PLCL1: variants seen among roughly 807,000 people sequenced by gnomAD.
The protein encoded by PLCL1 is inactive phospholipase C-like protein 1.
A neutral mutation model predicts 84.4 loss-of-function variants in PLCL1; 41 were observed. That is an observed-to-expected ratio of 0.49 (90% CI 0.38 to 0.63). The LOEUF is 0.63. PLCL1 is among the 30% of genes least tolerant of loss of function. PLCL1 has a pLI of 0.00. For synonymous variants in PLCL1, 490 were observed against 488.3 expected, an observed-to-expected ratio of 1.00 and a Z score of -0.05; for missense variants, 1,206 against 1,367.8, an observed-to-expected ratio of 0.88 and a Z score of 1.87.
intron 1 of PLCL1, among the ~76,000 whole-genome samples, chr2:197,995,630 G>T (rs974111120): frequency 6.6e-6 from 1 of 152,116 alleles, no homozygotes; most frequent in Non-Finnish European, 1.5e-5. Flanking sequence ...CCAAGACCAG[G>T]GAATCCCTGG....
intron 3 of PLCL1, among the ~76,000 whole-genome samples, chr2:198,094,422 C>T (rs1299732142): frequency 1.3e-5 from 2 of 152,092 alleles, no homozygotes; most frequent in African/African-American, 2.4e-5. Context: ...GTGTTGGTAT[C>T]AAGAAATCAA....
At chr2:197,828,641 T>C (rs910800532) in intron 1 of PLCL1, among the ~76,000 whole-genome samples, 2 of 152,138 alleles carry the variant, frequency 1.3e-5, no homozygotes, top group Non-Finnish European at 2.9e-5. Flanking sequence ...ATCCATATAG[T>C]GATGTGAAAT....
At position 197,914,338 on chromosome 2, in the gene PLCL1, T is replaced by G. The variant is rs182304855; in HGVS notation, c.240+108999T>G. On this transcript the variant is annotated intron_variant, in intron 1 of 5. Transcript: ENST00000428675. Reference sequence around the variant, plus strand: ...CACATTAAATTTTTATGTTATTTTTTTTTTTTTTGAAATGGAGTTTTGTTC... The same window carrying G: ...CACATTAAATTTTTATGTTATTTTTGTTTTTTTTGAAATGGAGTTTTGTTC... 5.8e-4 allele frequency among the ~76,000 whole-genome samples: 89 copies of G among 152,220 alleles called. 4 individuals carry two copies. The South Asian group carries it at 0.014, about 24-fold the overall frequency.
chr2:198,004,625 T>C (rs1200440367), intron 1 of PLCL1, among the ~76,000 whole-genome samples: 2 of 152,212 alleles, frequency 1.3e-5, no homozygotes, highest in East Asian at 3.8e-4. Flanking sequence ...GGTGGTCATA[T>C]TTAAATAATA....
At chr2:198,039,357 T>C (rs1249141018) in intron 1 of PLCL1, among the ~76,000 whole-genome samples, 1 of 152,196 alleles carries the variant, frequency 6.6e-6, no homozygotes, top group Non-Finnish European at 1.5e-5. Flanking sequence ...TTAGGAGCCT[T>C]CTTGATGTTA....
chr2:197,935,529 T>A (rs1330641984), intron 1 of PLCL1, among the ~76,000 whole-genome samples: 6 of 152,064 alleles, frequency 3.9e-5, no homozygotes, highest in Non-Finnish European at 7.4e-5. Context: ...AACCAAATAC[T>A]GCATATTCTC....
intron 1 of PLCL1, among the ~76,000 whole-genome samples, chr2:197,984,481 A>G (rs1690180187): frequency 6.6e-6 from 1 of 152,206 alleles, no homozygotes; most frequent in African/African-American, 2.4e-5. Context: ...TACATTAAAA[A>G]TAACCCATTT....
chr2:198,009,389 C>T (rs931272253), intron 1 of PLCL1, among the ~76,000 whole-genome samples: 4 of 151,976 alleles, frequency 2.6e-5, no homozygotes, highest in African/African-American at 4.8e-5. Context: ...CCCAAATTCA[C>T]TCTTTTTGCA....
intron 1 of PLCL1, among the ~76,000 whole-genome samples, chr2:197,829,466 G>A (rs948886304): frequency 4.6e-5 from 7 of 152,134 alleles, no homozygotes; most frequent in African/African-American, 7.2e-5. Flanking sequence ...TTTATGCATC[G>A]TTAAAATTAT....
chr2:197,943,091 G>A (rs891636724), intron 1 of PLCL1, among the ~76,000 whole-genome samples: 2 of 151,302 alleles, frequency 1.3e-5, no homozygotes, highest in African/African-American at 2.4e-5. Flanking sequence ...TGGGATTGTC[G>A]GGGGTGGGGG....
At chr2:197,827,622 C>T (rs759252752) in intron 1 of PLCL1, among the ~76,000 whole-genome samples, 16 of 151,948 alleles carry the variant, frequency 1.1e-4, no homozygotes, top group Admixed American at 5.9e-4. Context: ...TTTTGAAAAA[C>T]GTATTTTTGG....
At chr2:197,981,039 C>T (rs1305730222) in intron 1 of PLCL1, among the ~76,000 whole-genome samples, 2 of 152,122 alleles carry the variant, frequency 1.3e-5, no homozygotes, top group Non-Finnish European at 2.9e-5. Flanking sequence ...TACTTTTGTA[C>T]CAATCTAATA....
intron 1 of PLCL1, among the ~76,000 whole-genome samples, chr2:198,053,408 C>T (rs2105870636): frequency 6.6e-6 from 1 of 152,286 alleles, no homozygotes; most frequent in African/African-American, 2.4e-5. Flanking sequence ...AAGACAGGCC[C>T]ACTGTGGTTC....
chr2:197,977,254 G>T (rs1690005649), intron 1 of PLCL1, among the ~76,000 whole-genome samples: 1 of 152,112 alleles, frequency 6.6e-6, no homozygotes, highest in African/African-American at 2.4e-5. Context: ...CATCATCAAA[G>T]ACCTTGGATC....
intron 1 of PLCL1, among the ~76,000 whole-genome samples, chr2:197,863,232 C>T (rs1471327743): frequency 1.3e-5 from 2 of 150,208 alleles, no homozygotes; most frequent in Non-Finnish European, 3.0e-5. Flanking sequence ...TCTGATTTTA[C>T]AGATGGAAGA....
At chr2:197,905,891 T>G (rs1688371397) in intron 1 of PLCL1, among the ~76,000 whole-genome samples, 1 of 152,266 alleles carries the variant, frequency 6.6e-6, no homozygotes, top group Non-Finnish European at 1.5e-5. Context: ...TCTGTTCATA[T>G]CCTTCACCTA....
In PLCL1 at chr2:198,146,982, G is replaced by GTTCACCCATC. The variant is rs1559120923; in HGVS notation, c.*23_*32dup. On this transcript the variant is annotated 3_prime_UTR_variant, in exon 6 of 6. Transcript: ENST00000428675. ...CTGTGACTCTGGGCATTATCGACAC[G>GTTCACCCATC]TTCACCCATCTTATCAAGGACTCTG... 2 of 1,554,622 alleles carry GTTCACCCATC rather than the reference G, an allele frequency of 1.3e-6. No individual in the cohort carries two copies. The highest frequency in any genetic ancestry group is 2.4e-5 in the South Asian group (2 of 83,006).
intron 1 of PLCL1, among the ~76,000 whole-genome samples, chr2:197,892,087 T>C (rs1267654810): frequency 6.6e-6 from 1 of 152,256 alleles, no homozygotes; most frequent in African/African-American, 2.4e-5. Flanking sequence ...CCCCTTTCTC[T>C]GTGCAAATAA....
At chr2:197,861,205 T>G (rs942770162) in intron 1 of PLCL1, among the ~76,000 whole-genome samples, 2 of 152,132 alleles carry the variant, frequency 1.3e-5, no homozygotes, top group African/African-American at 4.8e-5. Context: ...CCCCAACCTC[T>G]GAGAAGGAGA....
Sources: allele counts gnomAD v4.1 joint callset (sites outside exome capture counted in the v4.1 genomes callset), GRCh38; gene constraint gnomAD v4.1.1; transcripts MANE v1.5; gene names NCBI Gene and HGNC (gene_info 2026-07-23, HGNC 2026-07-21).